Variants in SYT9 observed in about 807,000 individuals in gnomAD.
SYT9 encodes synaptotagmin 9, also known as synaptotagmin-9.
In SYT9, 22 loss-of-function variants were observed where a neutral mutation model predicts 48.4. That is an observed-to-expected ratio of 0.45 (90% CI 0.32 to 0.65). The LOEUF (loss-of-function observed/expected upper bound fraction) is 0.65, where lower values mean the gene tolerates loss of function less well. Among genes scored for constraint, SYT9 ranks in the 30% least tolerant of loss-of-function variants. The pLI, the probability that SYT9 is intolerant of heterozygous loss-of-function variation, is 0.03. For missense variants in SYT9, 577 were observed against 622.0 expected, an observed-to-expected ratio of 0.93 and a Z score of 0.77; for synonymous variants, 265 against 245.0, an observed-to-expected ratio of 1.08 and a Z score of -0.76.
Position 7,252,570 on chromosome 11 carries a change from ACC to A in SYT9, c.145+240_145+241del, listed in dbSNP as rs1847893023. Among the ~76,000 whole-genome samples the A allele has an allele frequency of 1.3e-5, 2 of 152,070 alleles. No homozygotes were observed. The highest frequency in any genetic ancestry group is 1.3e-4 in the Admixed American group (2 of 15,284). On this transcript the variant is annotated intron_variant, in intron 1 of 6. Coordinates refer to ENST00000318881, the MANE Select transcript of SYT9 (RefSeq NM_175733.4). The surrounding 1 kb of genome is among the most constrained non-coding windows in gnomAD (Gnocchi z 6.3). ...GGTCGGCTAGGGCAGGGTTGGAGGG[ACC>A]ACGCCCGCCACCTGCGCTCCCATCG...
chr11:7,324,770 T>C (rs1361633190), intron 3 of SYT9, among the ~76,000 whole-genome samples: 1 of 152,016 alleles, frequency 6.6e-6, no homozygotes, highest in African/African-American at 2.4e-5. Context: ...ATAGATTATT[T>C]GATATCTGTT....
intron 3 of SYT9, among the ~76,000 whole-genome samples, chr11:7,354,250 A>G (rs764860066): frequency 1.5e-4 from 23 of 152,166 alleles, no homozygotes; most frequent in Non-Finnish European, 3.1e-4. Flanking sequence ...TTTCTGGTCC[A>G]TCACCTATAC....
At chr11:7,402,595 C>T (rs2134076642) in intron 3 of SYT9, among the ~76,000 whole-genome samples, 2 of 152,190 alleles carry the variant, frequency 1.3e-5, no homozygotes, top group Middle Eastern at 6.8e-3. Flanking sequence ...CTGTTTCCTC[C>T]ATGGAAATGT....
chr11:7,341,719 A>G (rs1304072631), intron 3 of SYT9, among the ~76,000 whole-genome samples: 2 of 152,194 alleles, frequency 1.3e-5, no homozygotes, highest in African/African-American at 2.4e-5. Flanking sequence ...AATCACATAT[A>G]TGATTACATA....
At chr11:7,417,377 C>T (rs774481216) in intron 4 of SYT9, among the ~76,000 whole-genome samples, 4 of 152,166 alleles carry the variant, frequency 2.6e-5, no homozygotes, top group Non-Finnish European at 4.4e-5. Context: ...GTTACCCCAT[C>T]ACAGTGTTGC....
chr11:7,250,387 G>A (rs1321451942), upstream of SYT9, among the ~76,000 whole-genome samples: 2 of 151,894 alleles, frequency 1.3e-5, no homozygotes, highest in African/African-American at 4.8e-5. Context: ...GATGGCATTA[G>A]GGTAATATTT....
intron 3 of SYT9, among the ~76,000 whole-genome samples, chr11:7,412,810 G>C (rs1010722583): frequency 9.2e-5 from 14 of 152,176 alleles, no homozygotes; most frequent in African/African-American, 3.4e-4. Context: ...TGGGTTGGAT[G>C]GGCCAGTCTC....
At chr11:7,323,676 C>G (rs912034234) in intron 3 of SYT9, among the ~76,000 whole-genome samples, 23 of 151,878 alleles carry the variant, frequency 1.5e-4, no homozygotes, top group African/African-American at 5.1e-4. Context: ...TTCCTTTTAT[C>G]TTTTAAAGTA....
In SYT9 at chr11:7,251,943, G is replaced by A; in HGVS notation, c.-244G>A. On this transcript the variant is annotated 5_prime_UTR_variant, in exon 1 of 7. Coordinates refer to ENST00000318881, the MANE Select transcript of SYT9 (RefSeq NM_175733.4). Reference sequence around the variant, plus strand: ...GGCACCGCCTCTCCTCGGTGTCTGGGGAGGGACGGAGGGACCGGGCGGGAG... The same window carrying A: ...GGCACCGCCTCTCCTCGGTGTCTGGAGAGGGACGGAGGGACCGGGCGGGAG... The A allele has an allele frequency of 2.4e-6, 1 of 416,434 alleles. No homozygotes were observed. Among genetic ancestry groups the A allele is most frequent in the Non-Finnish European group, 4.2e-6 (1 of 236,478 alleles). The allele number at this position is 416,434 out of a possible 1,614,324, so 25.8% of individuals were successfully genotyped here.
intron 3 of SYT9, among the ~76,000 whole-genome samples, chr11:7,360,300 T>C (rs1297548972): frequency 6.6e-6 from 1 of 152,234 alleles, no homozygotes; most frequent in Non-Finnish European, 1.5e-5. Context: ...CCTCCAGCTT[T>C]GTTCTTTTGG....
chr11:7,346,290 A>C (rs569179439), intron 3 of SYT9, among the ~76,000 whole-genome samples: 32 of 152,228 alleles, frequency 2.1e-4, no homozygotes, highest in African/African-American at 7.5e-4. Context: ...ACTGACAGCT[A>C]AGAGCCAGTA....
At chr11:7,349,090 A>G (rs2134000490) in intron 3 of SYT9, among the ~76,000 whole-genome samples, 1 of 152,084 alleles carries the variant, frequency 6.6e-6, no homozygotes, top group South Asian at 2.1e-4. Flanking sequence ...TAAAACTCAG[A>G]GGTAGGTTTG....
intron 6 of SYT9, among the ~76,000 whole-genome samples, chr11:7,447,165 C>G (rs764450641): frequency 1.3e-5 from 2 of 152,180 alleles, no homozygotes; most frequent in Non-Finnish European, 2.9e-5. Flanking sequence ...TGAGCAGGGA[C>G]AGATGTGGCC....
At chr11:7,250,011 T>C (rs916329737), upstream of SYT9, among the ~76,000 whole-genome samples, 1 of 152,146 alleles carries the variant, frequency 6.6e-6, no homozygotes, top group Non-Finnish European at 1.5e-5. Flanking sequence ...CCTTCCAATC[T>C]CCTCTTTCAT....
intron 6 of SYT9, among the ~76,000 whole-genome samples, chr11:7,429,888 A>T (rs554705762): frequency 6.6e-6 from 1 of 152,340 alleles, no homozygotes; most frequent in South Asian, 2.1e-4. Context: ...GTTAAGAAAA[A>T]AACTATTTTC....
At chr11:7,351,229 G>T (rs190390203) in intron 3 of SYT9, among the ~76,000 whole-genome samples, 8 of 152,220 alleles carry the variant, frequency 5.3e-5, no homozygotes, top group Admixed American at 2.0e-4. Flanking sequence ...AATTCCCTCG[G>T]TCTTTATATA....
At chr11:7,328,267 A>G (rs1366365693) in intron 3 of SYT9, among the ~76,000 whole-genome samples, 1 of 152,034 alleles carries the variant, frequency 6.6e-6, no homozygotes, top group Non-Finnish European at 1.5e-5. Flanking sequence ...TGAGATTAGT[A>G]TATTTATGTC....
intron 1 of SYT9, among the ~76,000 whole-genome samples, chr11:7,302,009 G>A (rs995582686): frequency 3.3e-5 from 5 of 152,192 alleles, no homozygotes; most frequent in African/African-American, 1.2e-4. Flanking sequence ...TGTAGCAGAT[G>A]CTGTCATTAC....
chr11:7,367,098 T>TTTTTCCC (rs71056800), intron 3 of SYT9, among the ~76,000 whole-genome samples: 1 of 112,988 alleles, frequency 8.9e-6, no homozygotes, highest in African/African-American at 3.2e-5. Context: ...TTTTTTTTTT[T>TTTTTCCC]CGAGACGGAG....
Sources: gnomAD v4.1 joint callset for allele counts (sites outside exome capture counted in the v4.1 genomes callset) on GRCh38, gnomAD v4.1.1 for gene constraint, Gnocchi (gnomAD v3.1) non-coding constraint, MANE v1.5 for transcripts, NCBI Gene and HGNC (gene_info 2026-07-23, HGNC 2026-07-21) for gene names.